ABCA2: variants seen among roughly 807,000 people sequenced by gnomAD.
ABCA2 encodes ATP-binding cassette sub-family A member 2.
A neutral mutation model predicts 262.8 loss-of-function variants in ABCA2; 84 were observed. The ratio of observed to expected loss-of-function variants is 0.32; its 90% CI spans 0.27 to 0.38. The LOEUF is 0.38. ABCA2 is among the 10% of genes least tolerant of loss of function. The pLI, the probability that ABCA2 is intolerant of heterozygous loss-of-function variation, is 1.00. For missense variants in ABCA2, 2,662 were observed against 3,405.9 expected, an observed-to-expected ratio of 0.78 and a Z score of 5.44; for synonymous variants, 1,696 against 1,502.9, an observed-to-expected ratio of 1.13 and a Z score of -2.97.
Position 137,019,423 on chromosome 9 carries a change from C to T in ABCA2, c.1426-117G>A. On this transcript the variant is annotated intron_variant, in intron 10 of 48. Coordinates refer to ENST00000341511, the MANE Select transcript of ABCA2 (RefSeq NM_001606.5). The surrounding 1 kb of genome is among the most constrained non-coding windows in gnomAD (Gnocchi z 4.4). Reference sequence around the variant, plus strand: ...CATTGCCAACAACTAACCCTCCCCACCTTTTTTTTTTTTTTTTTCCTGAGA... The same window carrying T: ...CATTGCCAACAACTAACCCTCCCCATCTTTTTTTTTTTTTTTTTCCTGAGA... 8.5e-7 allele frequency: 1 copy of T among 1,180,016 alleles called. No homozygotes were observed. The highest frequency in any genetic ancestry group is 1.6e-5 in the African/African-American group (1 of 62,746). 73.1% of individuals were successfully genotyped at this position (1,180,016 alleles called of 1,614,324 possible).
intron 1 of ABCA2, among the ~76,000 whole-genome samples, chr9:137,026,774 A>G (rs982282579): frequency 6.6e-6 from 1 of 152,174 alleles, no homozygotes; most frequent in Admixed American, 6.5e-5. Flanking sequence ...CTTCCTGACA[A>G]CCACCCCCGG....
chr9:137,024,354 A>G (rs1831580575), intron 1 of ABCA2, 118 bp from the exon 2 acceptor site: 10 of 793,680 alleles, frequency 1.3e-5, no homozygotes, highest in South Asian at 1.2e-4. Context: ...GGGCCAGGGA[A>G]GGTGGGCACA....
In ABCA2 at chr9:137,017,776, G is replaced by A. The variant is rs752971042; in HGVS notation, c.2211+11C>T. ...AGCCCGCGCCTCCAGGGAGAGTCCC[G>A]GCCCGCGCACCTCCTTGAGCCGGTG... On this transcript the variant is annotated intron_variant, in intron 16 of 48. Transcript: ENST00000341511. 2.0e-5 allele frequency: 33 copies of A among 1,611,998 alleles called. No homozygotes were observed. Among genetic ancestry groups the A allele is most frequent in the Non-Finnish European group, 2.6e-5 (31 of 1,179,626 alleles).
chr9:137,014,658 G>A, intron 26 of ABCA2, 32 bp downstream of exon 26: 1 of 1,594,532 alleles, frequency 6.3e-7, no homozygotes, highest in Non-Finnish European at 8.5e-7. Context: ...TTGTGGGTGG[G>A]GTGGGCTGAG....
At chr9:137,025,205 C>T (rs370208694) in intron 1 of ABCA2, among the ~76,000 whole-genome samples, 11 of 152,380 alleles carry the variant, frequency 7.2e-5, no homozygotes, top group African/African-American at 2.6e-4. Flanking sequence ...GTGGGACCTG[C>T]GTGGAGTGAG....
chr9:137,013,152 C>G lies in ABCA2; in HGVS notation c.4717G>C (p.Asp1573His). 6.3e-7 allele frequency: 1 copy of G among 1,599,558 alleles called. No individual in the cohort carries two copies. The highest frequency in any genetic ancestry group is 8.5e-7 in the Non-Finnish European group (1 of 1,175,194). Residue 1573 changes from aspartate to histidine, a missense_variant, in exon 30 of 49, where the codon GAC becomes CAC. This residue lies in a region of ABCA2 where 192 missense variants were observed against 207.2 expected (regional missense o/e 0.93). Transcript: ENST00000341511. ...GTGAAGGACTCCAGACACATGCTGT[C>G]GAAGAACCGAGCCGCCAGCAGGCGC... ...ESRLLAARFF[D>H]SMCLESFTQG...
rs773747321 is a variant in ABCA2, at chr9:137,019,168, C to T, written c.1554+10G>A. 3 of 1,611,218 alleles carry T rather than the reference C, an allele frequency of 1.9e-6. No homozygotes were observed. In the South Asian group the frequency reaches 3.3e-5, roughly 18 times the overall value. On this transcript the variant is annotated intron_variant, in intron 11 of 48. Coordinates refer to ENST00000341511, the MANE Select transcript of ABCA2 (RefSeq NM_001606.5). This position sits in a 1 kb window ranked among gnomAD's most constrained non-coding sequence, Gnocchi z 4.4. The stretch of plus-strand genomic sequence containing the variant: ...CCCACAGCCGCCTCCCTCGCGGGCA[C>T]CCTTGGCACCTGCTGCAGCCAGCGC...
chr9:137,017,209 T>C lies in ABCA2; in HGVS notation c.2540A>G (p.Glu847Gly). The C allele has an allele frequency of 6.2e-7, 1 of 1,612,374 alleles. No homozygotes were observed. Among genetic ancestry groups the C allele is most frequent in the Non-Finnish European group, 8.5e-7 (1 of 1,179,804 alleles). The change falls in exon 18 of 49, where the codon GAG becomes GGG. Residue 847 changes from glutamate to glycine, a missense_variant. Around this residue, in one of 12 missense-constraint regions of ABCA2, gnomAD observed 188 missense variants for 343.4 expected, o/e 0.55. Transcript: ENST00000341511. ...CGCGACCCTCACCGCGATGCACTTC[T>C]CGAAGGCCGTGATCTTATCATGCGC... ...EVAHDKITAF[E>G]KCIASLMSTT...
intron 1 of ABCA2, among the ~76,000 whole-genome samples, chr9:137,025,069 G>C (rs1209133967): frequency 6.6e-6 from 1 of 152,160 alleles, no homozygotes; most frequent in Non-Finnish European, 1.5e-5. Context: ...CACCACACCT[G>C]GCCCAAAGGC....
chr9:137,010,219 C>T lies in ABCA2; in HGVS notation c.6327G>A (p.Gly2109=), dbSNP rs780329856. The change falls in exon 41 of 49, where the codon GGG becomes GGA. Residue 2109 remains glycine (G), a synonymous_variant. Coordinates refer to ENST00000341511, the MANE Select transcript of ABCA2 (RefSeq NM_001606.5). The part of the protein sequence containing the change: ...KMLTGDESTT[G]GEAFVNGHSV... ...TGTGTCCATTGACGAAGGCCTCGCC[C>T]CCCGTCGTGCTCTCGTCGCCGGTCA... is the stretch of plus-strand genomic sequence containing the variant. 1 of 1,605,270 alleles carries T rather than the reference C, an allele frequency of 6.2e-7. No individual in the cohort carries two copies. The highest frequency in any genetic ancestry group is 8.5e-7 in the Non-Finnish European group (1 of 1,178,418).
In ABCA2 at chr9:137,018,209, G is replaced by A; in HGVS notation, c.1962C>T (p.Phe654=). 1 of 1,611,770 alleles carries A rather than the reference G, an allele frequency of 6.2e-7. No homozygotes were observed. The highest frequency in any genetic ancestry group is 8.5e-7 in the Non-Finnish European group (1 of 1,179,790). Residue 654 remains phenylalanine (F), a synonymous_variant, in exon 14 of 49, where the codon TTC becomes TTT. Coordinates refer to ENST00000341511, the MANE Select transcript of ABCA2 (RefSeq NM_001606.5). ...WRPGPNTGGR[F]YFLYGFVWIQ... ...TCCAGACGAAGCCGTAGAGGAAGTA[G>A]AAGCGGCCGCCAGTATTGGGCCCAG...
chr9:137,017,286 G>A lies in ABCA2; in HGVS notation c.2463C>T (p.Ile821=), dbSNP rs760785729. The stretch of plus-strand genomic sequence containing the variant: ...TGTAGGGCACGTAGCTCAGGAAGTA[G>A]ATGATGCCACCGCAGGCCGAGGCCA... ...AKLASACGGI[I]YFLSYVPYMY... The change falls in exon 18 of 49, where the codon ATC becomes ATT. Residue 821 remains isoleucine, a synonymous_variant. Transcript: ENST00000341511. 2 of 1,612,618 alleles carry A rather than the reference G, an allele frequency of 1.2e-6. No individual in the cohort carries two copies. The highest frequency in any genetic ancestry group is 1.7e-6 in the Non-Finnish European group (2 of 1,179,920).
Position 137,010,352 on chromosome 9 carries a change from A to G in ABCA2, c.6194T>C (p.Ile2065Thr). ...GCGGTCAACGGCCAGGATACGGCCAATCTTCCGGGACTTGTAGACCTGGCC... is the reference window on the plus strand; with the variant it reads ...GCGGTCAACGGCCAGGATACGGCCAGTCTTCCGGGACTTGTAGACCTGGCC... Reference protein sequence around the residue: ...NLTKVYKSRKIGRILAVDRLC... With the variant: ...NLTKVYKSRKTGRILAVDRLC... The change falls in exon 41 of 49, where the codon ATT becomes ACT. Residue 2065 changes from isoleucine (I) to threonine (T), a missense_variant. This residue lies in a region of ABCA2 where 602 missense variants were observed against 897.4 expected (regional missense o/e 0.67). Transcript: ENST00000341511. The G allele has an allele frequency of 1.9e-6, 3 of 1,575,958 alleles. No homozygotes were observed. The highest frequency in any genetic ancestry group is 2.6e-6 in the Non-Finnish European group (3 of 1,161,376).
At chr9:137,017,447 G>A (rs1831302600) in intron 17 of ABCA2, 55 bp downstream of exon 17, 4 of 1,596,108 alleles carry the variant, frequency 2.5e-6, no homozygotes, top group Admixed American at 1.7e-5. Flanking sequence ...GATGTGGGGT[G>A]AGCTTGCTGG....
rs575966970 is a variant in ABCA2 at position 137,013,821 on chromosome 9, C to T, written c.4447+11G>A. On this transcript the variant is annotated intron_variant, in intron 28 of 48. Coordinates refer to ENST00000341511, the MANE Select transcript of ABCA2 (RefSeq NM_001606.5). ...GGCAAGCCCAGCACCCCTGTCCAGC[C>T]GGTGGCCTACCAATCTCCGGGACGG... 113 of 1,595,314 alleles carry T rather than the reference C, an allele frequency of 7.1e-5. No individual in the cohort carries two copies. In the Middle Eastern group the frequency reaches 1.2e-3, roughly 16 times the overall value.
At chr9:137,026,600 G>A (rs1038965207) in intron 1 of ABCA2, among the ~76,000 whole-genome samples, 1 of 152,120 alleles carries the variant, frequency 6.6e-6, no homozygotes, top group African/African-American at 2.4e-5. Flanking sequence ...GGTCCTGGGG[G>A]GCAGCCCAAA....
chr9:137,028,734 C>A (rs774722106), upstream of ABCA2: 1 of 1,267,584 alleles, frequency 7.9e-7, no homozygotes, highest in Admixed American at 3.2e-5. This position sits in a 1 kb window ranked among gnomAD's most constrained non-coding sequence, Gnocchi z 6.9. Flanking sequence ...GGAGGCAGGG[C>A]GGCCAGGTGG....
Position 137,021,029 on chromosome 9 carries a change from G to A in ABCA2, c.930C>T (p.Ser310=), listed in dbSNP as rs1588524484. Residue 310 remains serine, a synonymous_variant, in exon 9 of 49, where the codon TCC becomes TCT. Coordinates refer to ENST00000341511, the MANE Select transcript of ABCA2 (RefSeq NM_001606.5). The surrounding 1 kb of genome is among the most constrained non-coding windows in gnomAD (Gnocchi z 6.0). ...TCCGTGGGGGTGGCGCCTGTGGCGA[G>A]GAGTCCGAGCCGTTGGGGGCATCCA... The part of the protein sequence containing the change: ...LGLDAPNGSD[S]SPQAPPPRRL... The A allele has an allele frequency of 2.7e-6, 4 of 1,486,970 alleles. No individual in the cohort carries two copies. The highest frequency in any genetic ancestry group is 3.6e-6 in the Non-Finnish European group (4 of 1,116,732). The allele number at this position is 1,486,970 out of a possible 1,614,324, so 92.1% of individuals were successfully genotyped here.
rs1044111253 is a variant in ABCA2 at position 137,009,163 on chromosome 9, C to T, written c.6828-110G>A. 5.1e-6 allele frequency: 6 copies of T among 1,180,950 alleles called. No individual in the cohort carries two copies. The African/African-American group carries it at 6.2e-5, about 12-fold the overall frequency. 73.2% of individuals were successfully genotyped at this position (1,180,950 alleles called of 1,614,324 possible). ...CAGGCACCCCAGGAAGCCCCATAGC[C>T]TCCCACAGCCCCCCAACCCCACAGC... On this transcript the variant is annotated intron_variant, in intron 45 of 48. Transcript: ENST00000341511.
Sources: allele counts gnomAD v4.1 joint callset (sites outside exome capture counted in the v4.1 genomes callset), GRCh38; gene constraint gnomAD v4.1.1; regional missense constraint gnomAD v4.1.1; non-coding constraint Gnocchi (gnomAD v3.1); transcripts MANE v1.5; gene names NCBI Gene and HGNC (gene_info 2026-07-23, HGNC 2026-07-21).